Variants in MID2 observed in about 807,000 individuals in gnomAD.
MID2 encodes probable E3 ubiquitin-protein ligase MID2.
Under a neutral mutation model 46.1 loss-of-function variants are expected in MID2, and 13 were observed. That is an observed-to-expected ratio of 0.28 (90% CI 0.18 to 0.45). MID2 has a LOEUF of 0.45. Among genes scored for constraint, MID2 ranks in the 20% least tolerant of loss-of-function variants. The pLI is 1.00. For missense variants in MID2, 431 were observed against 575.4 expected, an observed-to-expected ratio of 0.75 and a Z score of 2.57; for synonymous variants, 199 against 212.3, an observed-to-expected ratio of 0.94 and a Z score of 0.55.
At chrX:107,840,580 C>T (rs936636157) in intron 1 of MID2, 90 bp from the exon 2 acceptor site, 3 of 731,022 alleles carry the variant, frequency 4.1e-6, no homozygotes, top group Non-Finnish European at 6.1e-6. Flanking sequence ...GAATCCAGCA[C>T]GTAAACGCGC....
intron 2 of MID2, among the ~76,000 whole-genome samples, chrX:107,842,313 G>A (rs1419991573): frequency 8.9e-6 from 1 of 112,207 alleles, no homozygotes; most frequent in Non-Finnish European, 1.9e-5. Flanking sequence ...ATGATCCAGC[G>A]AATTGTTTTA....
chrX:107,827,213 T>G (rs1423031392), intron 1 of MID2, among the ~76,000 whole-genome samples: 2 of 112,243 alleles, frequency 1.8e-5, no homozygotes, highest in Non-Finnish European at 3.8e-5. Flanking sequence ...GAGGTGTTTC[T>G]TCTTAGAGCA....
chrX:107,835,933 C>T (rs1931191750), intron 1 of MID2, among the ~76,000 whole-genome samples: 1 of 111,917 alleles, frequency 8.9e-6, no homozygotes, highest in African/African-American at 3.2e-5. Context: ...CTGTTGCCTG[C>T]CTAACCTAAG....
In MID2 at chrX:107,917,728, G is replaced by A; in HGVS notation, c.1424G>A (p.Gly475Glu). 8.3e-7 allele frequency: 1 copy of A among 1,210,832 alleles called. No homozygotes were observed. Among genetic ancestry groups the A allele is most frequent in the Middle Eastern group, 2.3e-4 (1 of 4,351 alleles). ...GCAGTAAGCTGCTCAAGATTGGCCG[G>A]GGCGCCACGAGGCAAGTGTTTGTAA... is the stretch of plus-strand genomic sequence containing the variant. ...KEAVSCSRLAGAPRGLYNSVD... is the reference protein window; with the variant it reads ...KEAVSCSRLAEAPRGLYNSVD... Residue 475 changes from glycine (G) to glutamate (E), a missense_variant, in exon 7 of 10, where the codon GGG becomes GAG. Physicochemically the swap from Gly to Glu is moderately conservative, Grantham distance 98. Coordinates refer to ENST00000262843, the MANE Select transcript of MID2 (RefSeq NM_012216.4).
chrX:107,889,218 A>G (rs1371946534), intron 3 of MID2, among the ~76,000 whole-genome samples: 4 of 111,392 alleles, frequency 3.6e-5, no homozygotes, highest in African/African-American at 1.3e-4. Flanking sequence ...CCTAGCCTCA[A>G]TGGTCTTTAC....
chrX:107,892,510 C>G (rs1378219395), intron 3 of MID2, among the ~76,000 whole-genome samples: 2 of 112,056 alleles, frequency 1.8e-5, no homozygotes, highest in African/African-American at 6.5e-5. Flanking sequence ...CAGTTTCTAA[C>G]TGGTCTCTCT....
chrX:107,868,727 C>G (rs772294528), intron 3 of MID2, among the ~76,000 whole-genome samples: 2 of 110,819 alleles, frequency 1.8e-5, no homozygotes, highest in South Asian at 7.7e-4. Flanking sequence ...TGGTAGAGAT[C>G]GCTGCTGTGG....
At chrX:107,869,617 T>G (rs2147842151) in intron 3 of MID2, among the ~76,000 whole-genome samples, 1 of 111,518 alleles carries the variant, frequency 9.0e-6, no homozygotes, top group African/African-American at 3.2e-5. Flanking sequence ...TTTCAGGTTT[T>G]ATTTTTGGGA....
rs1476339436 is a variant in MID2, at chrX:107,928,770, G to T, written c.*1697G>T. Among the ~76,000 whole-genome samples, 4 of 112,011 alleles carry T rather than the reference G, an allele frequency of 3.6e-5. No individual in the cohort carries two copies. Among genetic ancestry groups the T allele is most frequent in the Non-Finnish European group, 7.5e-5 (4 of 53,135 alleles). On this transcript the variant is annotated 3_prime_UTR_variant, in exon 10 of 10. Transcript: ENST00000262843. ...TATAATCCTCCCCAATAACAGTTAT[G>T]TATTGTTTGTTCACTTAATGTGGAA...
In MID2 at chrX:107,927,211, A is replaced by T. The variant is rs2147877694; in HGVS notation, c.*138A>T. ...CAAAATAACTAGATATTGCAGATTT[A>T]ATTTTTGTGCATTAAAGCTTGTATT... is the stretch of plus-strand genomic sequence containing the variant. On this transcript the variant is annotated 3_prime_UTR_variant, in exon 10 of 10. Coordinates refer to ENST00000262843, the MANE Select transcript of MID2 (RefSeq NM_012216.4). 1 of 494,165 alleles carries T rather than the reference A, an allele frequency of 2.0e-6. No homozygotes were observed. 40.7% of individuals were successfully genotyped at this position (494,165 alleles called of 1,213,427 possible).
At chrX:107,890,613 T>C (rs751139037) in intron 3 of MID2, among the ~76,000 whole-genome samples, 2 of 112,248 alleles carry the variant, frequency 1.8e-5, no homozygotes, top group Non-Finnish European at 3.8e-5. Context: ...TCTCCAGCTG[T>C]GTGCTGGGAG....
chrX:107,898,252 T>G (rs1409104559), intron 3 of MID2, among the ~76,000 whole-genome samples: 3 of 112,483 alleles, frequency 2.7e-5, no homozygotes, highest in Admixed American at 9.4e-5. Context: ...CTCTCCATAA[T>G]ATATCTCCAA....
chrX:107,870,905 C>G (rs1932050662), intron 3 of MID2, among the ~76,000 whole-genome samples: 1 of 110,396 alleles, frequency 9.1e-6, no homozygotes, highest in African/African-American at 3.3e-5. Flanking sequence ...AAAGAAGCAG[C>G]TTTTGATGTT....
At chrX:107,829,634 G>T (rs1931045759) in intron 1 of MID2, among the ~76,000 whole-genome samples, 1 of 112,100 alleles carries the variant, frequency 8.9e-6, no homozygotes. Context: ...ATTGGGCTGA[G>T]GCCCCAGATT....
rs181772254 is a variant in MID2 at position 107,839,403 on chromosome X, A to G, written c.5-1267A>G. Among the ~76,000 whole-genome samples the G allele has an allele frequency of 7.7e-3, 755 of 98,192 alleles. 6 individuals carry two copies. The highest frequency in any genetic ancestry group is 0.013 in the Non-Finnish European group (659 of 49,676). 85.3% of individuals were successfully genotyped at this position (98,192 alleles called of 115,157 possible). Reference sequence around the variant, plus strand: ...TGTTTTTTTTTTTTTTGGCAGTCTCACTCTGTCACCCAGGCAAGAGTGCAG... The same window carrying G: ...TGTTTTTTTTTTTTTTGGCAGTCTCGCTCTGTCACCCAGGCAAGAGTGCAG... On this transcript the variant is annotated intron_variant, in intron 1 of 9. Coordinates refer to ENST00000262843, the MANE Select transcript of MID2 (RefSeq NM_012216.4).
chrX:107,928,724 T>C lies in MID2; in HGVS notation c.*1651T>C, dbSNP rs1602515165. Among the ~76,000 whole-genome samples the C allele has an allele frequency of 8.9e-6, 1 of 111,965 alleles. No individual in the cohort carries two copies. Among genetic ancestry groups the C allele is most frequent in the South Asian group, 3.7e-4 (1 of 2,690 alleles). On this transcript the variant is annotated 3_prime_UTR_variant, in exon 10 of 10. Coordinates refer to ENST00000262843, the MANE Select transcript of MID2 (RefSeq NM_012216.4). The stretch of plus-strand genomic sequence containing the variant: ...CTACCTGCTGCCAAATGGCTTACTA[T>C]TCTGTGGAAGAAACAAAGTATATAA...
At chrX:107,853,187 C>T (rs187259382) in intron 2 of MID2, among the ~76,000 whole-genome samples, 4 of 111,959 alleles carry the variant, frequency 3.6e-5, no homozygotes, top group Admixed American at 1.9e-4. Flanking sequence ...GCTAGAATTC[C>T]GGCTACTGTT....
At chrX:107,829,689 T>A (rs1931047479) in intron 1 of MID2, among the ~76,000 whole-genome samples, 1 of 111,583 alleles carries the variant, frequency 9.0e-6, no homozygotes, top group Non-Finnish European at 1.9e-5. Context: ...CCAAACTCCA[T>A]ACTTGCAACT....
At chrX:107,858,412 A>G (rs1931789645) in intron 3 of MID2, among the ~76,000 whole-genome samples, 1 of 112,385 alleles carries the variant, frequency 8.9e-6, no homozygotes, top group Non-Finnish European at 1.9e-5. Context: ...CCAAGGGAAA[A>G]TGTATACCAA....
Sources: allele counts gnomAD v4.1 joint callset (sites outside exome capture counted in the v4.1 genomes callset), GRCh38; gene constraint gnomAD v4.1.1; transcripts MANE v1.5; gene names NCBI Gene and HGNC (gene_info 2026-07-23, HGNC 2026-07-21).